The following ARHGAP20 variants were observed in gnomAD, a reference collection of about 807,000 sequenced individuals.
ARHGAP20 encodes Rho GTPase activating protein 20.
Under a neutral mutation model 73.7 loss-of-function variants are expected in ARHGAP20, and 34 were observed. That is an observed-to-expected ratio of 0.46 (90% CI 0.35 to 0.61). The LOEUF (loss-of-function observed/expected upper bound fraction) is 0.61. ARHGAP20 is among the 20% of genes least tolerant of loss of function. The pLI is 0.00. For synonymous variants in ARHGAP20, 523 were observed against 518.2 expected (o/e 1.01, Z -0.13); for missense variants, 1,314 against 1,420.9 (o/e 0.92, Z 1.21).
At chr11:110,683,337 G>T (rs1950071776) in intron 2 of ARHGAP20, among the ~76,000 whole-genome samples, 1 of 151,900 alleles carries the variant, frequency 6.6e-6, no homozygotes, top group Non-Finnish European at 1.5e-5. Flanking sequence ...CAATAACAAA[G>T]AAACATTTTG....
Position 110,583,223 on chromosome 11 carries a change from A to G in ARHGAP20, c.1605+325T>C, listed in dbSNP as rs143655487. ...TTTTGCCCAAGACTGTACATCTGGC[A>G]AGGGGTGGAGCTGAGAATGGAAGCT... On this transcript the variant is annotated intron_variant, in intron 13 of 14. Coordinates refer to ENST00000683387, the MANE Select transcript of ARHGAP20 (RefSeq NM_001384657.1). 2.0e-5 allele frequency among the ~76,000 whole-genome samples: 3 copies of G among 152,294 alleles called. No homozygotes were observed. The East Asian group carries it at 5.8e-4, about 29-fold the overall frequency.
chr11:110,686,458 A>G (rs1450343308), intron 2 of ARHGAP20, among the ~76,000 whole-genome samples: 1 of 152,118 alleles, frequency 6.6e-6, no homozygotes, highest in East Asian at 1.9e-4. Flanking sequence ...GGAGTAGAGA[A>G]TTTACTTTTT....
chr11:110,633,848 C>G (rs144864085), intron 2 of ARHGAP20, among the ~76,000 whole-genome samples: 32 of 152,172 alleles, frequency 2.1e-4, no homozygotes, highest in African/African-American at 7.2e-4. Context: ...ATGGCAAGAT[C>G]AGGTAGGCAT....
At chr11:110,654,340 C>A (rs760273650) in intron 2 of ARHGAP20, among the ~76,000 whole-genome samples, 11 of 152,124 alleles carry the variant, frequency 7.2e-5, no homozygotes, top group Non-Finnish European at 1.2e-4. Context: ...ATATTAAAAT[C>A]ATCATATTAA....
intron 4 of ARHGAP20, among the ~76,000 whole-genome samples, chr11:110,619,584 T>C (rs1948578525): frequency 6.6e-6 from 1 of 151,314 alleles, no homozygotes. Context: ...TGATAGCGTA[T>C]ATGTAGTGAT....
Position 110,578,079 on chromosome 11 carries a change from T to A in ARHGAP20, c.*1291A>T. ...TTTTAGTGCCATCCCTGCATACTAG[T>A]TGGCAAGGCCTGATAATCTATTCCT... On this transcript the variant is annotated 3_prime_UTR_variant, in exon 15 of 15. Coordinates refer to ENST00000683387, the MANE Select transcript of ARHGAP20 (RefSeq NM_001384657.1). The A allele has an allele frequency of 1.0e-6, 1 of 985,448 alleles. No homozygotes were observed. Among genetic ancestry groups the A allele is most frequent in the Non-Finnish European group, 1.2e-6 (1 of 829,936 alleles). 61.0% of individuals were successfully genotyped at this position (985,448 alleles called of 1,614,324 possible). A position where few individuals can be genotyped will look rare whatever the true frequency, so the allele number is the denominator to read the frequency against.
At chr11:110,589,304 T>G (rs539417213) in intron 11 of ARHGAP20, 5 of 715,722 alleles carry the variant, frequency 7.0e-6, no homozygotes, top group African/African-American at 1.9e-5. Context: ...AACCCTCCAG[T>G]TCTCTTGCAT....
Position 110,580,016 on chromosome 11 carries a change from C to CAATCT in ARHGAP20, c.2925_2929dup (p.Cys977Ter). Reference sequence around the variant, plus strand: ...CCGTTTTCTCTGAGCCTGAAAAGTGCAATCTATTGGAGAGGAAGTCTCAGT... The same window carrying CAATCT: ...CCGTTTTCTCTGAGCCTGAAAAGTGCAATCTAATCTATTGGAGAGGAAGTCTCAGT... On this transcript the variant is annotated stop_gained and frameshift_variant, in exon 15 of 15. Transcript: ENST00000683387. LOFTEE classifies it low-confidence loss of function (END_TRUNC). 1.2e-6 allele frequency: 2 copies of CAATCT among 1,614,138 alleles called. No individual in the cohort carries two copies. The highest frequency in any genetic ancestry group is 1.7e-6 in the Non-Finnish European group (2 of 1,180,036).
chr11:110,675,959 A>G (rs1426087094), intron 2 of ARHGAP20, among the ~76,000 whole-genome samples: 1 of 152,194 alleles, frequency 6.6e-6, no homozygotes, highest in Non-Finnish European at 1.5e-5. Flanking sequence ...AGAAAAGCAG[A>G]TCTAATTTGA....
intron 2 of ARHGAP20, among the ~76,000 whole-genome samples, chr11:110,655,626 T>C (rs1467443540): frequency 3.9e-5 from 6 of 152,166 alleles, no homozygotes; most frequent in Non-Finnish European, 2.9e-5. Context: ...TAGACAGTCA[T>C]GGGTTTCCTC....
chr11:110,658,788 G>GTTTTGTTTTA (rs1949531369), intron 2 of ARHGAP20, among the ~76,000 whole-genome samples: 1 of 151,754 alleles, frequency 6.6e-6, no homozygotes, highest in South Asian at 2.1e-4. Flanking sequence ...TTATTGTTTT[G>GTTTTGTTTTA]TTTTCATGTC....
intron 1 of ARHGAP20, among the ~76,000 whole-genome samples, chr11:110,703,777 T>G (rs999291291): frequency 6.6e-6 from 1 of 152,102 alleles, no homozygotes; most frequent in African/African-American, 2.4e-5. Context: ...CAACCTTTGG[T>G]CATGATAATC....
intron 2 of ARHGAP20, among the ~76,000 whole-genome samples, chr11:110,637,823 G>A (rs1341617836): frequency 2.0e-5 from 3 of 152,116 alleles, no homozygotes; most frequent in Non-Finnish European, 4.4e-5. Flanking sequence ...AGGAACCAAA[G>A]TCTAAAGGAT....
intron 2 of ARHGAP20, among the ~76,000 whole-genome samples, chr11:110,666,400 T>C (rs1338440383): frequency 2.0e-5 from 3 of 152,094 alleles, no homozygotes; most frequent in Non-Finnish European, 4.4e-5. Flanking sequence ...ATAGCCAAAT[T>C]TGAAAAATGA....
intron 9 of ARHGAP20, among the ~76,000 whole-genome samples, chr11:110,593,603 A>G (rs919855781): frequency 3.3e-5 from 5 of 152,242 alleles, no homozygotes; most frequent in Non-Finnish European, 7.3e-5. Flanking sequence ...AATGGGGGTG[A>G]CTAAAAGTTG....
intron 2 of ARHGAP20, 91 bp downstream of exon 2, chr11:110,690,456 C>T: frequency 7.9e-7 from 1 of 1,268,672 alleles, no homozygotes; most frequent in Non-Finnish European, 1.1e-6. Flanking sequence ...ACAACCTCTA[C>T]ACATTAAAGA....
Position 110,577,677 on chromosome 11 carries a change from T to C in ARHGAP20, c.*1693A>G. 2.0e-6 allele frequency: 2 copies of C among 985,874 alleles called. No individual in the cohort carries two copies. The highest frequency in any genetic ancestry group is 2.4e-6 in the Non-Finnish European group (2 of 829,938). The allele number at this position is 985,874 out of a possible 1,614,324, so 61.1% of individuals were successfully genotyped here. ...TGGTTAGTTATAAAGTGAAATCGAC[T>C]TCACATCTGTGACTCAGATGGCCAG... On this transcript the variant is annotated 3_prime_UTR_variant, in exon 15 of 15. Transcript: ENST00000683387.
At chr11:110,582,259 G>T in intron 14 of ARHGAP20, 62 bp downstream of exon 14, 2 of 1,360,258 alleles carry the variant, frequency 1.5e-6, no homozygotes, top group Non-Finnish European at 1.0e-6. Context: ...CCCTATCCCA[G>T]CACGTTTACA....
intron 12 of ARHGAP20, 34 bp from the exon 13 acceptor site, chr11:110,583,771 A>T (rs780013211): frequency 4.7e-6 from 7 of 1,475,942 alleles, no homozygotes; most frequent in Non-Finnish European, 6.3e-6. Flanking sequence ...TAAGCAAGAC[A>T]TTTCATTCAA....
Sources: gnomAD v4.1 joint callset for allele counts (sites outside exome capture counted in the v4.1 genomes callset) on GRCh38, gnomAD v4.1.1 for gene constraint, MANE v1.5 for transcripts, NCBI Gene and HGNC (gene_info 2026-07-23, HGNC 2026-07-21) for gene names.